The following WDPCP variants were observed in gnomAD, a reference collection of about 807,000 sequenced individuals.
WDPCP encodes WD repeat-containing and planar cell polarity effector protein fritz homolog.
A neutral mutation model predicts 93.1 loss-of-function variants in WDPCP; 71 were observed. The observed-to-expected ratio is 0.76, with a 90% CI of 0.63 to 0.93. The LOEUF (loss-of-function observed/expected upper bound fraction) is 0.93. Among genes scored for constraint, WDPCP ranks in the 40% least tolerant of loss-of-function variants. The pLI, the probability that WDPCP is intolerant of heterozygous loss-of-function variation, is 0.00. For synonymous variants in WDPCP, 315 were observed against 315.0 expected, an observed-to-expected ratio of 1.00 and a Z score of 0.00; for missense variants, 844 against 887.4, an observed-to-expected ratio of 0.95 and a Z score of 0.62.
chr2:63,825,740 G>A (rs1671104652), intron 1 of WDPCP, among the ~76,000 whole-genome samples: 2 of 152,020 alleles, frequency 1.3e-5, no homozygotes, highest in African/African-American at 4.8e-5. Flanking sequence ...ATTGTGCACT[G>A]ACACTTGTTC....
intron 2 of WDPCP, among the ~76,000 whole-genome samples, chr2:63,708,898 C>G (rs1271585455): frequency 6.6e-6 from 1 of 151,596 alleles, no homozygotes; most frequent in African/African-American, 2.4e-5. Flanking sequence ...GCATGAGCCA[C>G]CTCGCCTGGC....
At chr2:63,770,018 A>C (rs1670202030) in intron 2 of WDPCP, among the ~76,000 whole-genome samples, 1 of 151,964 alleles carries the variant, frequency 6.6e-6, no homozygotes, top group African/African-American at 2.4e-5. Flanking sequence ...AGTCTGAACA[A>C]ATTTCAAATG....
intron 6 of WDPCP, among the ~76,000 whole-genome samples, chr2:63,446,497 A>G (rs1697877894): frequency 6.6e-6 from 1 of 152,224 alleles, no homozygotes; most frequent in South Asian, 2.1e-4. Flanking sequence ...TTGCTGTGGA[A>G]GCAAAGATGT....
chr2:63,791,952 C>T (rs1237108842), intron 2 of WDPCP, among the ~76,000 whole-genome samples: 1 of 152,068 alleles, frequency 6.6e-6, no homozygotes, highest in Non-Finnish European at 1.5e-5. Context: ...TAAATCATTG[C>T]TATTTAGTTA....
At chr2:63,558,728 C>A (rs1167583125) in intron 1 of WDPCP, among the ~76,000 whole-genome samples, 4 of 152,072 alleles carry the variant, frequency 2.6e-5, no homozygotes, top group African/African-American at 9.7e-5. Context: ...CAAGACTGAA[C>A]CAGGAAGAAG....
intron 17 of WDPCP, among the ~76,000 whole-genome samples, chr2:63,151,535 G>A (rs1331225310): frequency 1.3e-5 from 2 of 152,016 alleles, no homozygotes; most frequent in Non-Finnish European, 2.9e-5. Flanking sequence ...TGTTGTTGTT[G>A]TTCTTTTTTT....
chr2:63,477,163 C>T (rs922720717), intron 6 of WDPCP, among the ~76,000 whole-genome samples: 4 of 152,110 alleles, frequency 2.6e-5, no homozygotes. Flanking sequence ...ATGAATGTGA[C>T]TTAAACCATA....
intron 1 of WDPCP, among the ~76,000 whole-genome samples, chr2:63,821,229 ACT>A: frequency 6.6e-6 from 1 of 152,166 alleles, no homozygotes; most frequent in East Asian, 1.9e-4. Context: ...GAGGTGACTG[ACT>A]CTGCCAGGGA....
At chr2:63,657,203 A>ATTTTT (rs777283092) in intron 2 of WDPCP, among the ~76,000 whole-genome samples, 1 of 53,528 alleles carries the variant, frequency 1.9e-5, no homozygotes, top group Non-Finnish European at 3.1e-5. Context: ...GTTCTGGGTG[A>ATTTTT]TGTTTTTTTT....
intron 14 of WDPCP, among the ~76,000 whole-genome samples, chr2:63,230,062 T>C (rs1253347220): frequency 6.6e-6 from 1 of 151,498 alleles, no homozygotes; most frequent in Non-Finnish European, 1.5e-5. Flanking sequence ...ATTAGGTATA[T>C]CTCCTAATGC....
chr2:63,750,454 A>G (rs1669863289), intron 2 of WDPCP, among the ~76,000 whole-genome samples: 1 of 151,990 alleles, frequency 6.6e-6, no homozygotes, highest in African/African-American at 2.4e-5. Context: ...ACCTGAATAC[A>G]GAGATAGTTT....
At chr2:63,570,749 T>C (rs1252011881) in intron 1 of WDPCP, among the ~76,000 whole-genome samples, 1 of 152,238 alleles carries the variant, frequency 6.6e-6, no homozygotes, top group Non-Finnish European at 1.5e-5. Flanking sequence ...TCATATATTG[T>C]ATTTTATTTG....
intron 6 of WDPCP, among the ~76,000 whole-genome samples, chr2:63,468,172 C>T (rs1699470836): frequency 6.6e-6 from 1 of 152,082 alleles, no homozygotes. Flanking sequence ...TCCAACCCTC[C>T]TTCCTTCTCT....
At chr2:63,378,232 C>A in intron 12 of WDPCP, 154 bp downstream of exon 12, 5 of 1,027,596 alleles carry the variant, frequency 4.9e-6, no homozygotes, top group South Asian at 3.2e-5. Flanking sequence ...AAAACAATAA[C>A]AAATTAAATA....
chr2:63,491,544 G>A (rs1700878916), intron 2 of WDPCP, among the ~76,000 whole-genome samples: 1 of 152,122 alleles, frequency 6.6e-6, no homozygotes, highest in Admixed American at 6.6e-5. Context: ...GTACAAATAG[G>A]TATGACATTC....
intron 12 of WDPCP, among the ~76,000 whole-genome samples, chr2:63,317,412 A>AAG (rs2104036197): frequency 6.6e-6 from 1 of 151,518 alleles, no homozygotes; most frequent in South Asian, 2.1e-4. Flanking sequence ...ACATCTCAAA[A>AAG]AAAAAAAAAA....
intron 3 of WDPCP, among the ~76,000 whole-genome samples, chr2:63,611,322 A>C (rs1709612156): frequency 6.6e-6 from 1 of 152,194 alleles, no homozygotes; most frequent in Non-Finnish European, 1.5e-5. Context: ...TAAATTCCTA[A>C]AACACAGCAG....
intron 14 of WDPCP, among the ~76,000 whole-genome samples, chr2:63,183,980 G>C (rs1226759237): frequency 6.6e-6 from 1 of 151,936 alleles, no homozygotes; most frequent in Admixed American, 6.6e-5. Flanking sequence ...CAGGAGATCT[G>C]TTTCTAGTCC....
intron 10 of WDPCP, among the ~76,000 whole-genome samples, chr2:63,383,710 CTCAA>C (rs770791519): frequency 6.6e-6 from 1 of 152,018 alleles, no homozygotes; most frequent in Non-Finnish European, 1.5e-5. Context: ...GAGACTCTGT[CTCAA>C]TCAATCAATC....
Sources: gnomAD v4.1 joint callset for allele counts (sites outside exome capture counted in the v4.1 genomes callset) on GRCh38, gnomAD v4.1.1 for gene constraint, MANE v1.5 for transcripts, NCBI Gene and HGNC (gene_info 2026-07-23, HGNC 2026-07-21) for gene names.